The following RBBP4 variants were observed in gnomAD, a reference collection of about 807,000 sequenced individuals.
RBBP4 encodes RB binding protein 4, chromatin remodeling factor.
In RBBP4, 3 loss-of-function variants were observed where a neutral mutation model predicts 57.2. That is an observed-to-expected ratio of 0.05 (90% CI 0.02 to 0.14). The LOEUF is 0.14. Among genes scored for constraint, RBBP4 ranks in the 10% least tolerant of loss-of-function variants. The pLI is 1.00. For synonymous variants in RBBP4, 151 were observed against 171.5 expected, an observed-to-expected ratio of 0.88 and a Z score of 0.93; for missense variants, 107 against 520.6, an observed-to-expected ratio of 0.21 and a Z score of 7.73.
At position 32,684,638 on chromosome 1, in the gene RBBP4, G is replaced by T; in HGVS notation, c.*4933G>T. 2 of 450,886 alleles carry T rather than the reference G, an allele frequency of 4.4e-6. No homozygotes were observed. Among genetic ancestry groups the T allele is most frequent in the South Asian group, 2.5e-5 (1 of 40,730 alleles). The allele number at this position is 450,886 out of a possible 1,614,324, so 27.9% of individuals were successfully genotyped here. On this transcript the variant is annotated 3_prime_UTR_variant, in exon 12 of 12. Coordinates refer to ENST00000373493, the MANE Select transcript of RBBP4 (RefSeq NM_005610.3). ...GCTTGCTTTAATAGAATCCTGGGAG[G>T]GTGATTGGGACTTTTTAGTATTACA...
chr1:32,653,439 T>C (rs960590303), intron 2 of RBBP4, among the ~76,000 whole-genome samples: 1 of 152,064 alleles, frequency 6.6e-6, no homozygotes, highest in African/African-American at 2.4e-5. Context: ...AATTGCAAAA[T>C]GTTATTAGAC....
chr1:32,673,182 T>C (rs553763068), intron 11 of RBBP4, among the ~76,000 whole-genome samples: 1 of 152,278 alleles, frequency 6.6e-6, no homozygotes, highest in East Asian at 1.9e-4. Context: ...CTCCAACATT[T>C]TCCTAGCTAA....
chr1:32,661,152 T>C (rs970800940), intron 3 of RBBP4, among the ~76,000 whole-genome samples: 1 of 152,194 alleles, frequency 6.6e-6, no homozygotes, highest in African/African-American at 2.4e-5. Flanking sequence ...TGATGGACAC[T>C]TGGGTTGATT....
At chr1:32,671,932 C>T (rs940457743) in intron 8 of RBBP4, among the ~76,000 whole-genome samples, 2 of 152,004 alleles carry the variant, frequency 1.3e-5, no homozygotes, top group Non-Finnish European at 2.9e-5. Context: ...GGGAATGGAA[C>T]AAAAGCTTAT....
rs1648765613 is a variant in RBBP4, at chr1:32,669,055, A to G, written c.684A>G (p.Ala228=). Residue 228 remains alanine (A), a synonymous_variant, in exon 6 of 12, where the codon GCA becomes GCG. Transcript: ENST00000373493. The surrounding 1 kb of genome is among the most constrained non-coding windows in gnomAD (Gnocchi z 4.9). Reference sequence around the variant, plus strand: ...AGACCATCTTTACAGGGCATACGGCAGTAGTAGAAGATGTTTCCTGGCATC... The same window carrying G: ...AGACCATCTTTACAGGGCATACGGCGGTAGTAGAAGATGTTTCCTGGCATC... ...DAKTIFTGHT[A]VVEDVSWHLL... is the part of the protein sequence containing the mutation. 1.2e-6 allele frequency: 2 copies of G among 1,614,044 alleles called. No individual in the cohort carries two copies. Among genetic ancestry groups the G allele is most frequent in the African/African-American group, 1.3e-5 (1 of 74,952 alleles).
chr1:32,653,637 G>GTTTTTTTTTTTTTTTTTTTTTTTTTTT (rs1053666893), intron 2 of RBBP4, among the ~76,000 whole-genome samples: 1 of 20,774 alleles, frequency 4.8e-5, no homozygotes, highest in Admixed American at 8.8e-4. Flanking sequence ...TTGTTTTCTG[G>GTTTTTTTTTTTTTTTTTTTTTTTTTTT]TTTTTTTTTT....
chr1:32,659,542 A>G (rs1215434009), intron 3 of RBBP4, among the ~76,000 whole-genome samples: 2 of 143,486 alleles, frequency 1.4e-5, no homozygotes, highest in Non-Finnish European at 3.1e-5. Flanking sequence ...CCTGGGCAAA[A>G]AAAAAAAGGG....
chr1:32,673,814 T>C (rs1042592645), intron 11 of RBBP4, among the ~76,000 whole-genome samples: 13 of 152,268 alleles, frequency 8.5e-5, no homozygotes, highest in East Asian at 3.9e-4. Context: ...AATAGTTATA[T>C]TCGGCCGAGC....
At position 32,680,009 on chromosome 1, in the gene RBBP4, G is replaced by A. The variant is rs144062064; in HGVS notation, c.*304G>A. 1.2e-3 allele frequency: 1,389 copies of A among 1,139,754 alleles called. 18 individuals carry two copies. In the African/African-American group the frequency reaches 0.02, roughly 17 times the overall value. The allele number at this position is 1,139,754 out of a possible 1,614,324, so 70.6% of individuals were successfully genotyped here. ...TTTTCTTCTTATGCTATATCCCCAAGTTTTTCAGACTCATTTAAGTAAAGG... is the reference window on the plus strand; with the variant it reads ...TTTTCTTCTTATGCTATATCCCCAAATTTTTCAGACTCATTTAAGTAAAGG... On this transcript the variant is annotated 3_prime_UTR_variant, in exon 12 of 12. Transcript: ENST00000373493.
At chr1:32,673,033 T>A in intron 11 of RBBP4, 132 bp downstream of exon 11, 2 of 740,408 alleles carry the variant, frequency 2.7e-6, no homozygotes, top group Non-Finnish European at 4.4e-6. Context: ...AAGACTTGTC[T>A]ATACATTATC....
At chr1:32,663,243 A>G (rs1268738730) in intron 3 of RBBP4, among the ~76,000 whole-genome samples, 2 of 152,110 alleles carry the variant, frequency 1.3e-5, no homozygotes. Flanking sequence ...ATACATATAT[A>G]AAAATTCATC....
chr1:32,652,688 C>T (rs968813617), intron 2 of RBBP4, among the ~76,000 whole-genome samples: 1 of 152,032 alleles, frequency 6.6e-6, no homozygotes, highest in African/African-American at 2.4e-5. Flanking sequence ...ATTACAGGCA[C>T]CTGCCACCAC....
rs1346673277 is a variant in RBBP4, at chr1:32,685,018, C to G, written c.*5313C>G. On this transcript the variant is annotated 3_prime_UTR_variant, in exon 12 of 12. Coordinates refer to ENST00000373493, the MANE Select transcript of RBBP4 (RefSeq NM_005610.3). ...TTGCTAATTTCCTGCATCCTTTTTT[C>G]TTCTTTATTTTTGTATAGAGACAGG... is the stretch of plus-strand genomic sequence containing the variant. 1 of 151,956 alleles carries G rather than the reference C, an allele frequency of 6.6e-6. No homozygotes were observed. The highest frequency in any genetic ancestry group is 2.4e-5 in the African/African-American group (1 of 41,324). The allele number at this position is 151,956 out of a possible 1,614,324, so 9.4% of individuals were successfully genotyped here.
At chr1:32,663,666 T>C (rs1048429755) in intron 3 of RBBP4, among the ~76,000 whole-genome samples, 1 of 151,908 alleles carries the variant, frequency 6.6e-6, no homozygotes, top group African/African-American at 2.4e-5. Context: ...AAGCTCTGCC[T>C]CCCAGGTTCA....
intron 2 of RBBP4, among the ~76,000 whole-genome samples, chr1:32,654,209 A>C (rs983009197): frequency 6.6e-6 from 1 of 152,066 alleles, no homozygotes; most frequent in Non-Finnish European, 1.5e-5. Context: ...GCCCGTCTCT[A>C]CTAAAATTAC....
intron 8 of RBBP4, among the ~76,000 whole-genome samples, 169 bp from the exon 9 acceptor site, chr1:32,672,281 G>C (rs893375130): frequency 2.6e-5 from 4 of 152,156 alleles, no homozygotes; most frequent in African/African-American, 9.7e-5. Context: ...AACCGCGCCT[G>C]CCCATAAAAT....
chr1:32,657,334 T>C lies in RBBP4; in HGVS notation c.165-93T>C, dbSNP rs1252564349. ...CTTTTTCCCCTCTCTTAAAACCTGG[T>C]TGTATTAGTGACTTTGACATACATG... On this transcript the variant is annotated intron_variant, in intron 2 of 11. Coordinates refer to ENST00000373493, the MANE Select transcript of RBBP4 (RefSeq NM_005610.3). 1.3e-5 allele frequency: 16 copies of C among 1,249,218 alleles called. 1 individual carries two copies. The highest frequency in any genetic ancestry group is 1.8e-5 in the Non-Finnish European group (16 of 893,540). 77.4% of individuals were successfully genotyped at this position (1,249,218 alleles called of 1,614,324 possible).
At chr1:32,653,803 T>C (rs2786171) in intron 2 of RBBP4, among the ~76,000 whole-genome samples, 138,263 of 151,380 alleles carry the variant, frequency 0.91, 63,171 homozygotes, top group East Asian at 1. Context: ...GGACTACAGG[T>C]GCCGGCCACT....
chr1:32,658,980 T>G (rs1356461095), intron 3 of RBBP4, among the ~76,000 whole-genome samples: 3 of 147,392 alleles, frequency 2.0e-5, no homozygotes, highest in African/African-American at 4.9e-5. Flanking sequence ...TAAAACTACA[T>G]GCGTGTATAT....
Sources: allele counts gnomAD v4.1 joint callset (sites outside exome capture counted in the v4.1 genomes callset), GRCh38; gene constraint gnomAD v4.1.1; non-coding constraint Gnocchi (gnomAD v3.1); transcripts MANE v1.5; gene names NCBI Gene and HGNC (gene_info 2026-07-23, HGNC 2026-07-21).